PRKG1: variants seen among roughly 807,000 people sequenced by gnomAD.
PRKG1 encodes the protein cGMP-dependent protein kinase 1.
PRKG1 carries 35 observed loss-of-function variants against 88.1 expected under a neutral mutation model. The observed-to-expected ratio is 0.40, with a 90% CI of 0.30 to 0.53. The LOEUF is 0.53. Ranked by LOEUF, PRKG1 falls within the 20% of genes least tolerant of loss-of-function variation. PRKG1 has a pLI of 0.59. For synonymous variants in PRKG1, 303 were observed against 292.5 expected, an observed-to-expected ratio of 1.04 and a Z score of -0.37; for missense variants, 540 against 839.8, an observed-to-expected ratio of 0.64 and a Z score of 4.41.
At chr10:52,093,881 T>C (rs543366734) in intron 7 of PRKG1, among the ~76,000 whole-genome samples, 1 of 152,240 alleles carries the variant, frequency 6.6e-6, no homozygotes, top group East Asian at 1.9e-4. Context: ...CTACAAAAAA[T>C]AAATTCCCAT....
chr10:51,819,874 G>T (rs1313488412), intron 4 of PRKG1, among the ~76,000 whole-genome samples: 1 of 152,084 alleles, frequency 6.6e-6, no homozygotes, highest in East Asian at 1.9e-4. Context: ...CCCAGAAAAA[G>T]TCATAACTTG....
At chr10:52,134,301 G>C (rs1837344840) in intron 8 of PRKG1, among the ~76,000 whole-genome samples, 1 of 152,086 alleles carries the variant, frequency 6.6e-6, no homozygotes, top group Non-Finnish European at 1.5e-5. Context: ...GTTAAGAAAT[G>C]GGTTATTTTT....
intron 3 of PRKG1, among the ~76,000 whole-genome samples, chr10:51,632,433 A>G (rs1489096459): frequency 2.0e-5 from 3 of 152,224 alleles, no homozygotes; most frequent in Non-Finnish European, 4.4e-5. Flanking sequence ...CAATGATTTT[A>G]TGAGCTTGTG....
chr10:51,300,857 C>G (rs1281633553), intron 2 of PRKG1, among the ~76,000 whole-genome samples: 5 of 152,198 alleles, frequency 3.3e-5, no homozygotes. Flanking sequence ...TCAGAAGGCT[C>G]CAATCCAAAT....
At chr10:51,818,375 C>T (rs934965794) in intron 4 of PRKG1, among the ~76,000 whole-genome samples, 1 of 151,818 alleles carries the variant, frequency 6.6e-6, no homozygotes, top group African/African-American at 2.4e-5. Flanking sequence ...TACTTAACTT[C>T]GAAGCCCCAT....
At chr10:51,123,717 G>A (rs1434545125) in intron 1 of PRKG1, among the ~76,000 whole-genome samples, 2 of 151,632 alleles carry the variant, frequency 1.3e-5, no homozygotes, top group Non-Finnish European at 2.9e-5. Flanking sequence ...AATTACTGGA[G>A]GCTCTGAGAC....
At chr10:52,201,588 G>A (rs2132777312) in intron 9 of PRKG1, among the ~76,000 whole-genome samples, 1 of 152,202 alleles carries the variant, frequency 6.6e-6, no homozygotes, top group South Asian at 2.1e-4. Context: ...ATGCTGTGAA[G>A]AATATCATTG....
intron 3 of PRKG1, among the ~76,000 whole-genome samples, chr10:51,605,049 A>G (rs1225428434): frequency 6.6e-6 from 1 of 152,140 alleles, no homozygotes; most frequent in African/African-American, 2.4e-5. Context: ...AGAAGAGGGG[A>G]TGGAATGGGA....
At chr10:51,327,370 T>C (rs1360561937) in intron 2 of PRKG1, among the ~76,000 whole-genome samples, 1 of 146,874 alleles carries the variant, frequency 6.8e-6, no homozygotes, top group Non-Finnish European at 1.5e-5. Flanking sequence ...TGAGCCAGGA[T>C]CGCACCACTG....
intron 3 of PRKG1, among the ~76,000 whole-genome samples, chr10:51,624,822 C>T (rs1009829820): frequency 1.1e-4 from 17 of 152,186 alleles, no homozygotes; most frequent in African/African-American, 2.4e-5. Context: ...TAGAGACAAA[C>T]ACCACACAAT....
At chr10:51,457,441 G>C (rs293280) in intron 2 of PRKG1, among the ~76,000 whole-genome samples, 10 of 151,908 alleles carry the variant, frequency 6.6e-5, no homozygotes, top group Non-Finnish European at 8.8e-5. Flanking sequence ...GGGGAAAGGC[G>C]GGAAGGAATA....
At chr10:51,753,418 A>G (rs7918335) in intron 3 of PRKG1, among the ~76,000 whole-genome samples, 61,660 of 151,920 alleles carry the variant, frequency 0.41, 13,099 homozygotes, top group Middle Eastern at 0.55. Flanking sequence ...GACAAAATCA[A>G]GTATAGCAGC....
intron 3 of PRKG1, among the ~76,000 whole-genome samples, chr10:51,494,027 G>C (rs1417498199): frequency 1.3e-5 from 2 of 152,108 alleles, no homozygotes; most frequent in Non-Finnish European, 2.9e-5. Flanking sequence ...TGTCTTACCT[G>C]TGCTTATATA....
intron 3 of PRKG1, among the ~76,000 whole-genome samples, chr10:51,597,711 G>T (rs1838490336): frequency 6.6e-6 from 1 of 152,100 alleles, no homozygotes; most frequent in South Asian, 2.1e-4. Flanking sequence ...TGCACGAGAA[G>T]GTATGTGTGA....
intron 2 of PRKG1, among the ~76,000 whole-genome samples, chr10:51,215,122 G>A (rs965088781): frequency 1.3e-5 from 2 of 152,274 alleles, no homozygotes; most frequent in African/African-American, 4.8e-5. Context: ...ATGCCAATCA[G>A]AACTACCATA....
intron 2 of PRKG1, among the ~76,000 whole-genome samples, chr10:51,281,952 A>G (rs769777439): frequency 2.6e-5 from 4 of 152,176 alleles, no homozygotes; most frequent in East Asian, 1.9e-4. Flanking sequence ...AGCATTTTTC[A>G]TAGTGGTGCT....
intron 2 of PRKG1, among the ~76,000 whole-genome samples, chr10:51,194,311 C>T (rs1837707008): frequency 6.6e-6 from 1 of 150,578 alleles, no homozygotes; most frequent in African/African-American, 2.4e-5. Context: ...CATAGGTATA[C>T]ATGTGCCATG....
chr10:51,058,824 G>T (rs937363609), intron 1 of PRKG1, among the ~76,000 whole-genome samples: 2 of 152,034 alleles, frequency 1.3e-5, no homozygotes, highest in Admixed American at 1.3e-4. Context: ...TTCTGAAATA[G>T]AATTATTGTA....
intron 8 of PRKG1, among the ~76,000 whole-genome samples, chr10:52,141,235 G>A (rs945067965): frequency 6.6e-6 from 1 of 152,162 alleles, no homozygotes; most frequent in African/African-American, 2.4e-5. Flanking sequence ...ATTTAATGAT[G>A]TGGGTTGAAT....
Sources: allele counts gnomAD v4.1 joint callset (sites outside exome capture counted in the v4.1 genomes callset), GRCh38; gene constraint gnomAD v4.1.1; transcripts MANE v1.5; gene names NCBI Gene and HGNC (gene_info 2026-07-23, HGNC 2026-07-21).